Variants in SDK1 observed in about 807,000 individuals in gnomAD.
SDK1 encodes protein sidekick-1.
SDK1 carries 157 observed loss-of-function variants against 245.5 expected under a neutral mutation model. The ratio of observed to expected loss-of-function variants is 0.64; its 90% CI spans 0.56 to 0.73. The LOEUF (loss-of-function observed/expected upper bound fraction) is 0.73. SDK1 is among the 30% of genes least tolerant of loss of function. The probability of loss-of-function intolerance (pLI) is 0.00; values close to 1 mark genes in which losing one functional copy is unlikely to be tolerated. For missense variants in SDK1, 3,583 were observed against 3,002.3 expected (o/e 1.19, Z -4.52); for synonymous variants, 1,647 against 1,278.5 (o/e 1.29, Z -6.15).
At chr7:3,751,322 C>T (rs1779766325) in intron 4 of SDK1, among the ~76,000 whole-genome samples, 4 of 152,142 alleles carry the variant, frequency 2.6e-5, no homozygotes, top group African/African-American at 9.7e-5. Flanking sequence ...ACTTCCTGTC[C>T]TGTAAACCTT....
intron 19 of SDK1, among the ~76,000 whole-genome samples, chr7:4,055,516 A>G (rs928341296): frequency 5.3e-5 from 8 of 150,360 alleles, no homozygotes; most frequent in Non-Finnish European, 1.0e-4. Context: ...TTATTGCTTG[A>G]TTTTTTTGGT....
At chr7:4,264,983 CATTGG>C in intron 44 of SDK1, 136 bp from the exon 45 acceptor site, 1 of 1,283,392 alleles carries the variant, frequency 7.8e-7, no homozygotes, top group Non-Finnish European at 1.0e-6. Flanking sequence ...GAGGGCCTGG[CATTGG>C]GTTGGGGTGG....
chr7:4,069,298 C>T (rs1780093758), intron 20 of SDK1, among the ~76,000 whole-genome samples: 1 of 149,960 alleles, frequency 6.7e-6, no homozygotes, highest in Non-Finnish European at 1.5e-5. Flanking sequence ...CTCCAACAGA[C>T]ATCTGTTTTT....
At chr7:3,775,809 C>G (rs1780540943) in intron 4 of SDK1, among the ~76,000 whole-genome samples, 1 of 152,136 alleles carries the variant, frequency 6.6e-6, no homozygotes, top group African/African-American at 2.4e-5. Flanking sequence ...ATCTCCTGAC[C>G]TCATGATCCA....
intron 4 of SDK1, among the ~76,000 whole-genome samples, chr7:3,760,618 C>G (rs1780069930): frequency 6.6e-6 from 1 of 152,150 alleles, no homozygotes; most frequent in Non-Finnish European, 1.5e-5. Context: ...TTTGATCTTT[C>G]AGGATTGTGA....
intron 4 of SDK1, among the ~76,000 whole-genome samples, chr7:3,783,000 A>G (rs937632154): frequency 1.3e-5 from 2 of 152,212 alleles, no homozygotes; most frequent in African/African-American, 2.4e-5. Flanking sequence ...GAATTCAACA[A>G]CACATTAAAG....
chr7:4,178,951 TG>T (rs1284913120), intron 35 of SDK1, among the ~76,000 whole-genome samples: 6 of 152,246 alleles, frequency 3.9e-5, no homozygotes, highest in African/African-American at 1.2e-4. Context: ...TGTATCTGCA[TG>T]GGTCCTTCAG....
At chr7:3,645,772 A>T (rs368550829) in intron 4 of SDK1, among the ~76,000 whole-genome samples, 8 of 152,200 alleles carry the variant, frequency 5.3e-5, no homozygotes, top group African/African-American at 1.9e-4. Flanking sequence ...TTATATACCC[A>T]CAGAGATGCC....
chr7:3,882,282 A>G (rs1411840417), intron 5 of SDK1, among the ~76,000 whole-genome samples: 1 of 152,170 alleles, frequency 6.6e-6, no homozygotes, highest in African/African-American at 2.4e-5. Context: ...CAACCATATC[A>G]CCAGGTGGGG....
intron 25 of SDK1, among the ~76,000 whole-genome samples, chr7:4,114,623 A>G (rs1783580875): frequency 6.6e-6 from 1 of 152,248 alleles, no homozygotes; most frequent in Non-Finnish European, 1.5e-5. Context: ...TTCTTGTCAC[A>G]AATTAATAGA....
intron 1 of SDK1, among the ~76,000 whole-genome samples, chr7:3,534,280 C>A (rs866020354): frequency 1.3e-5 from 2 of 152,002 alleles, no homozygotes; most frequent in African/African-American, 2.4e-5. Context: ...ATTTTCTTTA[C>A]CCATTCATCT....
At position 3,529,815 on chromosome 7, in the gene SDK1, G is replaced by A. The variant is rs569623002; in HGVS notation, c.299-89265G>A. On this transcript the variant is annotated intron_variant, in intron 1 of 44. Coordinates refer to ENST00000404826, the MANE Select transcript of SDK1 (RefSeq NM_152744.4). ...GAGGGGTGGGCTATGCTCACATCACGTGCCTCCCAAGGAGAAATACTGAGA... is the reference window on the plus strand; with the variant it reads ...GAGGGGTGGGCTATGCTCACATCACATGCCTCCCAAGGAGAAATACTGAGA... Among the ~76,000 whole-genome samples, 4 of 152,260 alleles carry A rather than the reference G, an allele frequency of 2.6e-5. No homozygotes were observed. The South Asian group carries it at 6.2e-4, about 24-fold the overall frequency.
At chr7:4,131,672 G>A in intron 27 of SDK1, among the ~76,000 whole-genome samples, 1 of 151,982 alleles carries the variant, frequency 6.6e-6, no homozygotes, top group East Asian at 1.9e-4. Flanking sequence ...ATTTTATGAG[G>A]GCCACAACCC....
At chr7:3,817,272 C>T (rs754276892) in intron 4 of SDK1, among the ~76,000 whole-genome samples, 1 of 152,146 alleles carries the variant, frequency 6.6e-6, no homozygotes, top group African/African-American at 2.4e-5. Flanking sequence ...CATAGATACT[C>T]TTAAGGGAAA....
chr7:4,076,715 A>G (rs1376669604), intron 20 of SDK1, among the ~76,000 whole-genome samples: 1 of 152,202 alleles, frequency 6.6e-6, no homozygotes, highest in Admixed American at 6.5e-5. Flanking sequence ...TTACCAGAGC[A>G]TCCCAGAGGC....
intron 41 of SDK1, 53 bp downstream of exon 41, chr7:4,233,472 G>A (rs1785935825): frequency 6.5e-7 from 1 of 1,543,868 alleles, no homozygotes; most frequent in Non-Finnish European, 8.8e-7. Flanking sequence ...AGGGAGAAAT[G>A]GGGTCGAGGG....
chr7:4,083,698 C>CT (rs1781228027), intron 22 of SDK1, among the ~76,000 whole-genome samples: 1 of 100,538 alleles, frequency 9.9e-6, no homozygotes, highest in Non-Finnish European at 2.0e-5. Context: ...TCTTCCCTCC[C>CT]TCCTTTACTT....
At chr7:3,894,363 A>G (rs1781541697) in intron 5 of SDK1, among the ~76,000 whole-genome samples, 2 of 147,160 alleles carry the variant, frequency 1.4e-5, no homozygotes, top group African/African-American at 5.1e-5. Flanking sequence ...GGCGACTACA[A>G]TGTTTGAGTG....
chr7:3,894,698 C>CTTT lies in SDK1; in HGVS notation c.848-56209_848-56207dup, dbSNP rs942252289. Among the ~76,000 whole-genome samples the CTTT allele has an allele frequency of 7.1e-3, 966 of 135,436 alleles. 20 individuals carry two copies. The highest frequency in any genetic ancestry group is 0.025 in the African/African-American group (917 of 36,376). The allele number at this position is 135,436 out of a possible 152,430, so 88.9% of individuals were successfully genotyped here. ...CTAAAGCAGAGTAATACTATTTTTT[C>CTTT]TTTTTTTTTTTTTTTTTTGAGACGG... On this transcript the variant is annotated intron_variant, in intron 5 of 44. Coordinates refer to ENST00000404826, the MANE Select transcript of SDK1 (RefSeq NM_152744.4).
Sources: allele counts gnomAD v4.1 joint callset (sites outside exome capture counted in the v4.1 genomes callset), GRCh38; gene constraint gnomAD v4.1.1; transcripts MANE v1.5; gene names NCBI Gene and HGNC (gene_info 2026-07-23, HGNC 2026-07-21).